KCNK12: variants seen among roughly 807,000 people sequenced by gnomAD.
KCNK12 encodes the protein potassium channel subfamily K member 12.
In KCNK12, 6 loss-of-function variants were observed where a neutral mutation model predicts 25.3. That is an observed-to-expected ratio of 0.24 (90% CI 0.13 to 0.47). KCNK12 has a LOEUF of 0.47. Among genes scored for constraint, KCNK12 ranks in the 20% least tolerant of loss-of-function variants. The pLI, the probability that KCNK12 is intolerant of heterozygous loss-of-function variation, is 0.99. For synonymous variants in KCNK12, 331 were observed against 311.1 expected (o/e 1.06, Z -0.67); for missense variants, 444 against 661.7 (o/e 0.67, Z 3.61).
intron 1 of KCNK12, among the ~76,000 whole-genome samples, chr2:47,550,456 C>T (rs1669404912): frequency 7.1e-6 from 1 of 140,836 alleles, no homozygotes; most frequent in Non-Finnish European, 1.5e-5. Context: ...GATCTTGGCT[C>T]TCTGCAACCT....
rs1668539853 is a variant in KCNK12 at position 47,516,962 on chromosome 2, C to G, written c.*3945G>C. 1 of 152,154 alleles carries G rather than the reference C, an allele frequency of 6.6e-6. No homozygotes were observed. The highest frequency in any genetic ancestry group is 2.1e-4 in the South Asian group (1 of 4,820). 9.4% of individuals were successfully genotyped at this position (152,154 alleles called of 1,614,324 possible). On this transcript the variant is annotated 3_prime_UTR_variant, in exon 2 of 2. Coordinates refer to ENST00000327876, the MANE Select transcript of KCNK12 (RefSeq NM_022055.2). ...GGGTCAGGAATGGCCTCAGCAGGCCCTCCCTCCCTCCCTCTCCACCCTACA... is the reference window on the plus strand; with the variant it reads ...GGGTCAGGAATGGCCTCAGCAGGCCGTCCCTCCCTCCCTCTCCACCCTACA...
chr2:47,530,069 G>C (rs901922003), intron 1 of KCNK12, among the ~76,000 whole-genome samples: 10 of 152,152 alleles, frequency 6.6e-5, no homozygotes, highest in African/African-American at 2.4e-4. Flanking sequence ...TGACTGGCCA[G>C]TGTTGGGATT....
rs569442731 is a variant in KCNK12 at position 47,533,920 on chromosome 2, G to A, written c.392-12112C>T. 2.6e-5 allele frequency among the ~76,000 whole-genome samples: 4 copies of A among 152,094 alleles called. No homozygotes were observed. The highest frequency in any genetic ancestry group is 3.9e-4 in the East Asian group (2 of 5,164). ...TCTTGCATTGGGTGCGCAGTGATCCGGACAGAGAGGCTCCAGTCAGCCAGG... is the reference window on the plus strand; with the variant it reads ...TCTTGCATTGGGTGCGCAGTGATCCAGACAGAGAGGCTCCAGTCAGCCAGG... On this transcript the variant is annotated intron_variant, in intron 1 of 1. Coordinates refer to ENST00000327876, the MANE Select transcript of KCNK12 (RefSeq NM_022055.2). This position sits in a 1 kb window ranked among gnomAD's most constrained non-coding sequence, Gnocchi z 4.7.
At position 47,512,403 on chromosome 2, in the gene KCNK12, G is replaced by T; in HGVS notation, c.*8504C>A. ...AGATCTGCTTGCAGTCGGCCAGAGA[G>T]ACAGAACCAGGGCAGTGGTGAGCTC... On this transcript the variant is annotated 3_prime_UTR_variant, in exon 2 of 2. Transcript: ENST00000327876. 3 of 1,611,202 alleles carry T rather than the reference G, an allele frequency of 1.9e-6. No homozygotes were observed. The highest frequency in any genetic ancestry group is 2.5e-6 in the Non-Finnish European group (3 of 1,179,172).
At position 47,555,560 on chromosome 2, in the gene KCNK12, TACTTC is replaced by T. The variant is rs1287327136; in HGVS notation, c.391+14376_391+14380del. Among the ~76,000 whole-genome samples the T allele has an allele frequency of 6.6e-6, 1 of 152,248 alleles. No homozygotes were observed. The highest frequency in any genetic ancestry group is 2.4e-5 in the African/African-American group (1 of 41,464). On this transcript the variant is annotated intron_variant, in intron 1 of 1. Coordinates refer to ENST00000327876, the MANE Select transcript of KCNK12 (RefSeq NM_022055.2). This position sits in a 1 kb window ranked among gnomAD's most constrained non-coding sequence, Gnocchi z 4.5. ...GTCCAAACTCCTTTTATCTCATCAT[TACTTC>T]ACAATTTATCACTCTTTGTTAAAAT...
intron 1 of KCNK12, chr2:47,563,136 T>G (rs1288119327): frequency 1.3e-5 from 3 of 233,288 alleles, no homozygotes; most frequent in East Asian, 1.2e-4. Flanking sequence ...ACTGAACACT[T>G]ACCCAAGGCT....
In KCNK12 at chr2:47,512,653, C is replaced by T. The variant is rs1033344601; in HGVS notation, c.*8254G>A. ...AAGTGTGCTAATGGGATGATGTGCC[C>T]TTGTACACCCACTGCCTCTGAACTC... On this transcript the variant is annotated 3_prime_UTR_variant, in exon 2 of 2. Transcript: ENST00000327876. The T allele has an allele frequency of 1.9e-6, 1 of 535,118 alleles. No individual in the cohort carries two copies. The highest frequency in any genetic ancestry group is 1.9e-5 in the African/African-American group (1 of 52,624). The allele number at this position is 535,118 out of a possible 1,614,324, so 33.1% of individuals were successfully genotyped here.
rs1431263871 is a variant in KCNK12 at position 47,538,372 on chromosome 2, G to A, written c.392-16564C>T. ...AGTGGGGTGGGTCCAGGGAGGCCTC[G>A]TTAAGGAACGGATGTTTGATAAAGG... is the stretch of plus-strand genomic sequence containing the variant. On this transcript the variant is annotated intron_variant, in intron 1 of 1. Coordinates refer to ENST00000327876, the MANE Select transcript of KCNK12 (RefSeq NM_022055.2). This position sits in a 1 kb window ranked among gnomAD's most constrained non-coding sequence, Gnocchi z 4.5. 1.3e-5 allele frequency among the ~76,000 whole-genome samples: 2 copies of A among 152,180 alleles called. No homozygotes were observed. Among genetic ancestry groups the A allele is most frequent in the African/African-American group, 2.4e-5 (1 of 41,432 alleles).
rs1198074883 is a variant in KCNK12, at chr2:47,547,962, T to C, written c.391+21979A>G. 2.6e-5 allele frequency among the ~76,000 whole-genome samples: 4 copies of C among 152,236 alleles called. No individual in the cohort carries two copies. The South Asian group carries it at 8.3e-4, about 32-fold the overall frequency. On this transcript the variant is annotated intron_variant, in intron 1 of 1. Coordinates refer to ENST00000327876, the MANE Select transcript of KCNK12 (RefSeq NM_022055.2). The surrounding 1 kb of genome is among the most constrained non-coding windows in gnomAD (Gnocchi z 5.0). Reference sequence around the variant, plus strand: ...GGCGTGGTGGGAAGTGATTGGAACATGGGGGTGGATTTCCCCCTTGCCGTT... The same window carrying C: ...GGCGTGGTGGGAAGTGATTGGAACACGGGGGTGGATTTCCCCCTTGCCGTT...
rs577340011 is a variant in KCNK12, at chr2:47,525,733, G to A, written c.392-3925C>T. 6.3e-4 allele frequency among the ~76,000 whole-genome samples: 96 copies of A among 152,294 alleles called. No homozygotes were observed. Among genetic ancestry groups the A allele is most frequent in the African/African-American group, 2.3e-3 (94 of 41,562 alleles). ...AGAGGCTGAGGGGCAGAGGGCTGGG[G>A]ACAGCATGAGAGGGAGTCACAGGAG... On this transcript the variant is annotated intron_variant, in intron 1 of 1. Transcript: ENST00000327876. The surrounding 1 kb of genome is among the most constrained non-coding windows in gnomAD (Gnocchi z 4.1).
At chr2:47,539,213 G>A (rs1001977624) in intron 1 of KCNK12, among the ~76,000 whole-genome samples, 1 of 152,166 alleles carries the variant, frequency 6.6e-6, no homozygotes, top group Non-Finnish European at 1.5e-5. Flanking sequence ...TCTTCCTCAA[G>A]TCTGAGCCAG....
rs1668562185 is a variant in KCNK12, at chr2:47,517,883, G to A, written c.*3024C>T. 1 of 152,150 alleles carries A rather than the reference G, an allele frequency of 6.6e-6. No homozygotes were observed. The highest frequency in any genetic ancestry group is 2.1e-4 in the South Asian group (1 of 4,820). The allele number at this position is 152,150 out of a possible 1,614,324, so 9.4% of individuals were successfully genotyped here. A position where few individuals can be genotyped will look rare whatever the true frequency, so the allele number is the denominator to read the frequency against. ...CTCTTGGAGTTCATTCAAACTTTAA[G>A]GGAGCCCCACAGCACCGGCATGATG... On this transcript the variant is annotated 3_prime_UTR_variant, in exon 2 of 2. Coordinates refer to ENST00000327876, the MANE Select transcript of KCNK12 (RefSeq NM_022055.2). This position sits in a 1 kb window ranked among gnomAD's most constrained non-coding sequence, Gnocchi z 4.1.
At position 47,569,588 on chromosome 2, in the gene KCNK12, CTG is replaced by C. The variant is rs1669847411; in HGVS notation, c.391+351_391+352del. Among the ~76,000 whole-genome samples, 1 of 152,080 alleles carries C rather than the reference CTG, an allele frequency of 6.6e-6. No individual in the cohort carries two copies. The highest frequency in any genetic ancestry group is 2.1e-4 in the South Asian group (1 of 4,822). ...TTTTGAGATCATCCTGGAGAGGAAACTGAGGCCTGGGGGTTGTGGGTGGAAAA... is the reference window on the plus strand; with the variant it reads ...TTTTGAGATCATCCTGGAGAGGAAACAGGCCTGGGGGTTGTGGGTGGAAAA... On this transcript the variant is annotated intron_variant, in intron 1 of 1. Coordinates refer to ENST00000327876, the MANE Select transcript of KCNK12 (RefSeq NM_022055.2). This position sits in a 1 kb window ranked among gnomAD's most constrained non-coding sequence, Gnocchi z 4.1.
At chr2:47,561,010 G>A (rs946116073) in intron 1 of KCNK12, among the ~76,000 whole-genome samples, 5 of 152,302 alleles carry the variant, frequency 3.3e-5, no homozygotes, top group Non-Finnish European at 4.4e-5. Flanking sequence ...CCACACATGG[G>A]GCTATTTGCT....
rs1014676060 is a variant in KCNK12, at chr2:47,538,098, T to C, written c.392-16290A>G. On this transcript the variant is annotated intron_variant, in intron 1 of 1. Transcript: ENST00000327876. The surrounding 1 kb of genome is among the most constrained non-coding windows in gnomAD (Gnocchi z 4.5). ...GAGTCTATGAAGGAGACCACATTCA[T>C]TCAACAAACATTTATTGAGGGCCTA... 6.6e-6 allele frequency among the ~76,000 whole-genome samples: 1 copy of C among 152,192 alleles called. No individual in the cohort carries two copies. The highest frequency in any genetic ancestry group is 2.4e-5 in the African/African-American group (1 of 41,432).
rs1322242988 is a variant in KCNK12 at position 47,529,210 on chromosome 2, C to G, written c.392-7402G>C. The G allele has an allele frequency of 3.9e-5, 6 of 152,134 alleles. No individual in the cohort carries two copies. The highest frequency in any genetic ancestry group is 7.3e-5 in the Non-Finnish European group (5 of 68,060). 9.4% of individuals were successfully genotyped at this position (152,134 alleles called of 1,614,324 possible). A position where few individuals can be genotyped will look rare whatever the true frequency, so the allele number is the denominator to read the frequency against. Reference sequence around the variant, plus strand: ...GAAAGTGGCTCTACTAGTAATTACCCCAGGACAGCATGTATAAACCAGGGC... The same window carrying G: ...GAAAGTGGCTCTACTAGTAATTACCGCAGGACAGCATGTATAAACCAGGGC... On this transcript the variant is annotated intron_variant, in intron 1 of 1. Transcript: ENST00000327876. This position sits in a 1 kb window ranked among gnomAD's most constrained non-coding sequence, Gnocchi z 4.3.
At chr2:47,549,763 G>A (rs181979503) in intron 1 of KCNK12, among the ~76,000 whole-genome samples, 2 of 152,126 alleles carry the variant, frequency 1.3e-5, no homozygotes, top group South Asian at 2.1e-4. Context: ...GTGAAACCCC[G>A]TCTCTACTAA....
intron 1 of KCNK12, among the ~76,000 whole-genome samples, chr2:47,549,899 A>C (rs1572602052): frequency 6.6e-6 from 1 of 151,714 alleles, no homozygotes; most frequent in Admixed American, 6.6e-5. Context: ...GCACCACTGC[A>C]CTCCAGCCTG....
At position 47,515,562 on chromosome 2, in the gene KCNK12, A is replaced by G. The variant is rs531729159; in HGVS notation, c.*5345T>C. Among the ~76,000 whole-genome samples the G allele has an allele frequency of 1.8e-3, 271 of 152,328 alleles. 1 individual carries two copies. The highest frequency in any genetic ancestry group is 3.5e-3 in the Non-Finnish European group (239 of 68,040). Reference sequence around the variant, plus strand: ...TCTTGTTTTATCATTTGATGTCATGAAAGTCCCTGCTGTAGATAAAAGATG... The same window carrying G: ...TCTTGTTTTATCATTTGATGTCATGGAAGTCCCTGCTGTAGATAAAAGATG... On this transcript the variant is annotated 3_prime_UTR_variant, in exon 2 of 2. Transcript: ENST00000327876.
Sources: gnomAD v4.1 joint callset for allele counts (sites outside exome capture counted in the v4.1 genomes callset) on GRCh38, gnomAD v4.1.1 for gene constraint, Gnocchi (gnomAD v3.1) non-coding constraint, MANE v1.5 for transcripts, NCBI Gene and HGNC (gene_info 2026-07-23, HGNC 2026-07-21) for gene names.